ARHGAP24: variants seen among roughly 807,000 people sequenced by gnomAD.
The protein encoded by ARHGAP24 is rho GTPase-activating protein 24.
ARHGAP24 carries 50 observed loss-of-function variants against 76.4 expected under a neutral mutation model. The observed-to-expected ratio is 0.65, with a 90% confidence interval of 0.52 to 0.83. The LOEUF (loss-of-function observed/expected upper bound fraction) is 0.83, where lower values mean the gene tolerates loss of function less well. Ranked by LOEUF, ARHGAP24 falls within the 40% of genes least tolerant of loss-of-function variation. The probability of loss-of-function intolerance (pLI) is 0.00; values close to 1 mark genes in which losing one functional copy is unlikely to be tolerated. For synonymous variants in ARHGAP24, 345 were observed against 323.3 expected (o/e 1.07, Z -0.72); for missense variants, 930 against 914.2 (o/e 1.02, Z -0.22).
chr4:85,864,320 T>G (rs1223984660), intron 3 of ARHGAP24, among the ~76,000 whole-genome samples: 3 of 152,058 alleles, frequency 2.0e-5, no homozygotes, highest in African/African-American at 7.2e-5. Context: ...ACTTGGGGGC[T>G]TGGGGGTACA....
At position 85,942,132 on chromosome 4, in the gene ARHGAP24, C is replaced by T. The variant is rs1213178401; in HGVS notation, c.458C>T (p.Pro153Leu). The T allele has an allele frequency of 7.4e-6, 12 of 1,613,780 alleles. No individual in the cohort carries two copies. The Admixed American group carries it at 1.7e-4, about 22-fold the overall frequency. The change falls in exon 5 of 10, where the codon CCG (proline) becomes CTG (leucine). Residue 153 changes from proline to leucine, a missense_variant. Transcript: ENST00000395184. ...AAGAGATATGGGAACCGTCTGGCTCCGATGTTGGTGGAGCAGTGCGTGGAC... is the reference window on the plus strand; with the variant it reads ...AAGAGATATGGGAACCGTCTGGCTCTGATGTTGGTGGAGCAGTGCGTGGAC... ...YEKRYGNRLA[P>L]MLVEQCVDFI...
intron 3 of ARHGAP24, among the ~76,000 whole-genome samples, chr4:85,873,454 C>T (rs1476480212): frequency 6.6e-6 from 1 of 152,122 alleles, no homozygotes; most frequent in Non-Finnish European, 1.5e-5. Context: ...TGGGAATTAT[C>T]TACTGTGTAG....
intron 3 of ARHGAP24, among the ~76,000 whole-genome samples, chr4:85,912,607 T>C (rs1302443243): frequency 6.6e-6 from 1 of 152,224 alleles, no homozygotes; most frequent in Non-Finnish European, 1.5e-5. Flanking sequence ...CCAAACACAT[T>C]CTCTAAAATT....
intron 3 of ARHGAP24, among the ~76,000 whole-genome samples, chr4:85,785,749 C>T (rs10516758): frequency 0.082 from 12,427 of 152,064 alleles, 733 homozygotes; most frequent in Non-Finnish European, 0.13. Flanking sequence ...CCATCAGTGC[C>T]GTTGTCAAAT....
At chr4:85,690,641 A>G (rs191307329) in intron 2 of ARHGAP24, among the ~76,000 whole-genome samples, 3 of 149,680 alleles carry the variant, frequency 2.0e-5, no homozygotes, top group Admixed American at 1.3e-4. Context: ...TTGTATTTCT[A>G]TAGGTTTAGT....
chr4:85,793,616 AT>A (rs1470377146), intron 3 of ARHGAP24, among the ~76,000 whole-genome samples: 1 of 152,202 alleles, frequency 6.6e-6, no homozygotes, highest in Non-Finnish European at 1.5e-5. Flanking sequence ...GATGACCCTC[AT>A]TTTGTGTATA....
At chr4:85,650,584 A>G (rs1342515706) in intron 2 of ARHGAP24, among the ~76,000 whole-genome samples, 1 of 149,642 alleles carries the variant, frequency 6.7e-6, no homozygotes, top group East Asian at 1.9e-4. Flanking sequence ...TGTTTCCTGT[A>G]GTAAGCCCTA....
At chr4:85,753,520 C>A (rs936654495) in intron 3 of ARHGAP24, among the ~76,000 whole-genome samples, 1 of 152,196 alleles carries the variant, frequency 6.6e-6, no homozygotes, top group East Asian at 1.9e-4. Context: ...ATCATCCCAG[C>A]CTTTGAACTG....
chr4:85,560,596 C>A (rs1400288565), intron 1 of ARHGAP24, among the ~76,000 whole-genome samples: 1 of 152,134 alleles, frequency 6.6e-6, no homozygotes, highest in Non-Finnish European at 1.5e-5. Flanking sequence ...AATAACTGTA[C>A]GTAAGTTCCC....
intron 8 of ARHGAP24, among the ~76,000 whole-genome samples, chr4:85,988,185 G>C (rs1740115652): frequency 6.6e-6 from 1 of 151,908 alleles, no homozygotes; most frequent in Non-Finnish European, 1.5e-5. Context: ...TTAAATAGTT[G>C]TTGTGGCAGA....
At chr4:85,925,881 A>G (rs7693039) in intron 4 of ARHGAP24, among the ~76,000 whole-genome samples, 45,790 of 151,904 alleles carry the variant, frequency 0.3, 7,135 homozygotes, top group South Asian at 0.5. Flanking sequence ...CAAAGCTCCC[A>G]TTGTCTCTAA....
chr4:85,861,043 A>G (rs901122592), intron 3 of ARHGAP24, among the ~76,000 whole-genome samples: 3 of 151,066 alleles, frequency 2.0e-5, no homozygotes, highest in Non-Finnish European at 4.4e-5. Context: ...TTCAAACATA[A>G]TCCTCCCACT....
intron 2 of ARHGAP24, among the ~76,000 whole-genome samples, chr4:85,715,774 G>C (rs997966428): frequency 6.6e-6 from 1 of 151,782 alleles, no homozygotes. Context: ...TGCCTTCCCC[G>C]AGTAATTTTT....
chr4:85,698,254 C>T (rs946431336), intron 2 of ARHGAP24, among the ~76,000 whole-genome samples: 2 of 152,146 alleles, frequency 1.3e-5, no homozygotes, highest in South Asian at 4.1e-4. Context: ...ATTTGATGGA[C>T]TGCTGGACCC....
At position 85,811,484 on chromosome 4, in the gene ARHGAP24, C is replaced by A. The variant is rs566372594; in HGVS notation, c.268+89512C>A. Among the ~76,000 whole-genome samples the A allele has an allele frequency of 2.0e-5, 3 of 152,270 alleles. No individual in the cohort carries two copies. In the East Asian group the frequency reaches 5.8e-4, roughly 29 times the overall value. ...ATATGCAAGGGGAGCTCACGGATACCTCCCACCTCCACTGCCGCTTACATT... is the reference window on the plus strand; with the variant it reads ...ATATGCAAGGGGAGCTCACGGATACATCCCACCTCCACTGCCGCTTACATT... On this transcript the variant is annotated intron_variant, in intron 3 of 9. Coordinates refer to ENST00000395184, the MANE Select transcript of ARHGAP24 (RefSeq NM_001025616.3).
intron 2 of ARHGAP24, among the ~76,000 whole-genome samples, chr4:85,680,042 C>T (rs1723143766): frequency 1.3e-5 from 2 of 152,094 alleles, no homozygotes; most frequent in South Asian, 4.1e-4. Context: ...AGAGAAGATC[C>T]TTTTAGAGCC....
rs35799327 is a variant in ARHGAP24 at position 85,854,135 on chromosome 4, CAA to C, written c.269-69494_269-69493del. Among the ~76,000 whole-genome samples, 125 of 85,586 alleles carry C rather than the reference CAA, an allele frequency of 1.5e-3. No homozygotes were observed. In the South Asian group the frequency reaches 0.015, roughly 10 times the overall value. 56.1% of individuals were successfully genotyped at this position (85,586 alleles called of 152,430 possible). On this transcript the variant is annotated intron_variant, in intron 3 of 9. Transcript: ENST00000395184. ...GGGTGAAAAGAGTGAGACTCTGTCT[CAA>C]AAAAAAAAAAAAAAAAAAGAAAAAA... is the stretch of plus-strand genomic sequence containing the variant.
At chr4:85,585,002 A>G (rs1394754099) in intron 2 of ARHGAP24, among the ~76,000 whole-genome samples, 1 of 152,154 alleles carries the variant, frequency 6.6e-6, no homozygotes, top group Non-Finnish European at 1.5e-5. Context: ...TGTATGCAAG[A>G]TGAATTGTAG....
intron 2 of ARHGAP24, among the ~76,000 whole-genome samples, chr4:85,593,404 G>T (rs1361940204): frequency 6.6e-6 from 1 of 152,104 alleles, no homozygotes; most frequent in Non-Finnish European, 1.5e-5. Flanking sequence ...CATTCTGTGG[G>T]TTGTCTCTTC....
Sources: gnomAD v4.1 joint callset for allele counts (sites outside exome capture counted in the v4.1 genomes callset) on GRCh38, gnomAD v4.1.1 for gene constraint, MANE v1.5 for transcripts, NCBI Gene and HGNC (gene_info 2026-07-23, HGNC 2026-07-21) for gene names.